Variants in PLA1A observed in about 807,000 individuals in gnomAD.
The protein encoded by PLA1A is phospholipase A1 member A, also known as phosphatidylserine-specific phospholipase A1alpha.
In PLA1A, 47 loss-of-function variants were observed where a neutral mutation model predicts 49.4. The ratio of observed to expected loss-of-function variants is 0.95; its 90% CI spans 0.75 to 1.21. The LOEUF is 1.21. Ranked by LOEUF, PLA1A falls within the 50% of genes most tolerant of loss-of-function variation. PLA1A has a pLI of 0.00. For synonymous variants in PLA1A, 224 were observed against 207.9 expected (o/e 1.08, Z -0.67); for missense variants, 561 against 563.9 (o/e 0.99, Z 0.05).
At position 119,608,645 on chromosome 3, in the gene PLA1A, C is replaced by G. The variant is rs1723968; in HGVS notation, c.276-125C>G. ...TATGCTCCAAGTACTGTGTAATAAACTCCTCATATGAGCCCTTCTCTAGTT... is the reference window on the plus strand; with the variant it reads ...TATGCTCCAAGTACTGTGTAATAAAGTCCTCATATGAGCCCTTCTCTAGTT... On this transcript the variant is annotated intron_variant, in intron 2 of 10. Transcript: ENST00000273371. 14,060 of 761,218 alleles carry G rather than the reference C, an allele frequency of 0.018. 1,347 individuals carry two copies. The African/African-American group carries it at 0.21, about 11-fold the overall frequency. The allele number at this position is 761,218 out of a possible 1,614,324, so 47.2% of individuals were successfully genotyped here.
At chr3:119,608,240 GAGAGA>G (rs2082716866) in intron 2 of PLA1A, among the ~76,000 whole-genome samples, 1 of 129,126 alleles carries the variant, frequency 7.7e-6, no homozygotes, top group South Asian at 2.7e-4. Flanking sequence ...GAGAAAGAAA[GAGAGA>G]AAGAAAGAAA....
At chr3:119,629,257 G>T (rs2052590218) in intron 10 of PLA1A, 127 bp from the exon 11 acceptor site, 1 of 706,356 alleles carries the variant, frequency 1.4e-6, no homozygotes, top group Non-Finnish European at 2.6e-6. Flanking sequence ...TGGACCACAG[G>T]AACTGGCTCT....
At chr3:119,608,234 A>G (rs868082457) in intron 2 of PLA1A, among the ~76,000 whole-genome samples, 23 of 115,342 alleles carry the variant, frequency 2.0e-4, no homozygotes, top group African/African-American at 5.8e-4. Flanking sequence ...AAGAGAGAGA[A>G]AGAAAGAGAG....
intron 2 of PLA1A, among the ~76,000 whole-genome samples, chr3:119,608,232 GAAAGAAAGAGAGAA>G (rs2082716324): frequency 9.0e-6 from 1 of 110,518 alleles, no homozygotes. Context: ...GAAAGAGAGA[GAAAGAAAGAGAGAA>G]AGAAAGAAAG....
rs188011753 is a variant in PLA1A, at chr3:119,622,615, C to T, written c.1013-2509C>T. On this transcript the variant is annotated intron_variant, in intron 8 of 10. Transcript: ENST00000273371. ...GTTCACCTGCATCCAGTTTATGTTC[C>T]CTTCCCCAATGTTAGCCCATAAAAT... 1.2e-3 allele frequency among the ~76,000 whole-genome samples: 183 copies of T among 152,196 alleles called. 1 individual carries two copies. In the Middle Eastern group the frequency reaches 0.017, roughly 14 times the overall value.
chr3:119,626,466 T>C (rs185985803), intron 9 of PLA1A, among the ~76,000 whole-genome samples: 2 of 152,186 alleles, frequency 1.3e-5, no homozygotes, highest in South Asian at 2.1e-4. Flanking sequence ...AGGCCAGGCT[T>C]AGAGAGAATG....
intron 4 of PLA1A, among the ~76,000 whole-genome samples, chr3:119,611,815 C>T (rs987895863): frequency 8.5e-5 from 13 of 152,150 alleles, no homozygotes; most frequent in East Asian, 5.8e-4. Flanking sequence ...ATTTGACTTC[C>T]GCTTTTCCTA....
chr3:119,609,781 AGAGGCCATGT>A (rs2082740367), intron 4 of PLA1A, among the ~76,000 whole-genome samples: 1 of 152,176 alleles, frequency 6.6e-6, no homozygotes. Context: ...TATCAATGTG[AGAGGCCATGT>A]ATTTCTTCTT....
At chr3:119,619,307 G>T (rs558166364) in intron 7 of PLA1A, among the ~76,000 whole-genome samples, 1 of 152,356 alleles carries the variant, frequency 6.6e-6, no homozygotes, top group African/African-American at 2.4e-5. Context: ...ATTAGTGTCA[G>T]ATTTCTTATA....
chr3:119,614,034 G>A (rs1012570611), intron 5 of PLA1A, among the ~76,000 whole-genome samples: 15 of 152,188 alleles, frequency 9.9e-5, no homozygotes, highest in Admixed American at 2.6e-4. Context: ...TCTGCTCCAC[G>A]GCAAATGCCT....
chr3:119,622,173 A>AGAG (rs1560086958), intron 8 of PLA1A, among the ~76,000 whole-genome samples: 1 of 72,136 alleles, frequency 1.4e-5, no homozygotes, highest in African/African-American at 4.3e-5. Flanking sequence ...AAGAAGAAGA[A>AGAG]GAAGAAGAAG....
chr3:119,628,886 C>T (rs2052584506), intron 10 of PLA1A, 21 bp downstream of exon 10: 1 of 1,602,878 alleles, frequency 6.2e-7, no homozygotes, highest in Non-Finnish European at 8.5e-7. Context: ...GTATTCACCT[C>T]TGCACCAGAT....
Position 119,619,618 on chromosome 3 carries a change from C to A in PLA1A, c.978C>A (p.Val326=). 6.2e-7 allele frequency: 1 copy of A among 1,613,268 alleles called. No individual in the cohort carries two copies. The highest frequency in any genetic ancestry group is 1.1e-5 in the South Asian group (1 of 91,066). The change falls in exon 8 of 11, where the codon GTC becomes GTA. Residue 326 remains valine, a synonymous_variant. Coordinates refer to ENST00000273371, the MANE Select transcript of PLA1A (RefSeq NM_015900.4). ...AGCCGCTCCCCAAGGAAGTGAAAGT[C>A]TACCTCCTGACTACTTCCAGTGCTC... The part of the protein sequence containing the change: ...KIEPLPKEVK[V]YLLTTSSAPY...
chr3:119,614,011 A>G (rs944196339), intron 5 of PLA1A, among the ~76,000 whole-genome samples: 1 of 152,160 alleles, frequency 6.6e-6, no homozygotes, highest in African/African-American at 2.4e-5. Context: ...AGGCGGGGGC[A>G]TTCCTCTTCA....
At position 119,606,931 on chromosome 3, in the gene PLA1A, G is replaced by A; in HGVS notation, c.231G>A (p.Gly77=). The part of the protein sequence containing the change: ...VEGSSDLQNS[G]FNATLGTKLI... ...GAAGCAGTGACCTCCAAAACTCTGG[G>A]TTCAATGCCACTCTGGGAACCAAAC... is the stretch of plus-strand genomic sequence containing the variant. The change falls in exon 2 of 11, where the codon GGG becomes GGA. Residue 77 remains glycine, a synonymous_variant. Coordinates refer to ENST00000273371, the MANE Select transcript of PLA1A (RefSeq NM_015900.4). 1 of 1,614,144 alleles carries A rather than the reference G, an allele frequency of 6.2e-7. No homozygotes were observed. The highest frequency in any genetic ancestry group is 8.5e-7 in the Non-Finnish European group (1 of 1,180,006).
chr3:119,608,621 A>G, intron 2 of PLA1A, 149 bp from the exon 3 acceptor site: 2 of 639,276 alleles, frequency 3.1e-6, no homozygotes, highest in South Asian at 2.2e-5. Flanking sequence ...TGTCCTCCCT[A>G]TGCTCCAAGT....
chr3:119,608,863 T>C lies in PLA1A; in HGVS notation c.369T>C (p.Tyr123=), dbSNP rs149097224. The change falls in exon 3 of 11, where the codon TAT becomes TAC. Residue 123 remains tyrosine (Y), a synonymous_variant. Transcript: ENST00000273371. ...ATGTGATTGCCGTGGACTGGATTTATGGGTCTACAGGAGTCTACTTCTCAG... is the reference window on the plus strand; with the variant it reads ...ATGTGATTGCCGTGGACTGGATTTACGGGTCTACAGGAGTCTACTTCTCAG... The part of the protein sequence containing the change: ...NANVIAVDWI[Y]GSTGVYFSAV... 3.7e-5 allele frequency: 59 copies of C among 1,613,738 alleles called. No individual in the cohort carries two copies. The African/African-American group carries it at 7.3e-4, about 20-fold the overall frequency.
intron 8 of PLA1A, chr3:119,620,290 G>T: frequency 2.5e-6 from 1 of 393,400 alleles, no homozygotes. Context: ...GGTCCTGTTT[G>T]CTTTATCATG....
chr3:119,615,965 C>G (rs776212307), intron 5 of PLA1A, 47 bp from the exon 6 acceptor site: 5 of 1,280,688 alleles, frequency 3.9e-6, no homozygotes, highest in Non-Finnish European at 2.3e-6. Context: ...CCGCTGTGAG[C>G]CGACCCCCTG....
Sources: allele counts gnomAD v4.1 joint callset (sites outside exome capture counted in the v4.1 genomes callset), GRCh38; gene constraint gnomAD v4.1.1; transcripts MANE v1.5; gene names NCBI Gene and HGNC (gene_info 2026-07-23, HGNC 2026-07-21).